LITAF: variants seen among roughly 807,000 people sequenced by gnomAD.
LITAF encodes the protein lipopolysaccharide-induced tumor necrosis factor-alpha factor.
In LITAF, 9 loss-of-function variants were observed where a neutral mutation model predicts 14.5. That is an observed-to-expected ratio of 0.62 (90% CI 0.37 to 1.08). The LOEUF is 1.08. LITAF is among the 50% of genes least tolerant of loss of function. The pLI, the probability that LITAF is intolerant of heterozygous loss-of-function variation, is 0.01. For missense variants in LITAF, 206 were observed against 213.4 expected, an observed-to-expected ratio of 0.97 and a Z score of 0.22; for synonymous variants, 98 against 88.2, an observed-to-expected ratio of 1.11 and a Z score of -0.62.
intron 2 of LITAF, among the ~76,000 whole-genome samples, chr16:11,554,966 G>C (rs972732890): frequency 1.3e-5 from 2 of 152,060 alleles, no homozygotes; most frequent in Non-Finnish European, 2.9e-5. Context: ...ACTGAACTTA[G>C]TAATACTCAT....
Position 11,627,256 on chromosome 16 carries a change from G to A in LITAF, c.85+6277C>T, listed in dbSNP as rs78580087. Among the ~76,000 whole-genome samples, 1,250 of 152,248 alleles carry A rather than the reference G, an allele frequency of 8.2e-3. 21 individuals are homozygous for A. Among genetic ancestry groups the A allele is most frequent in the African/African-American group, 0.026 (1,067 of 41,546 alleles). ...CTTGCTGGAGCTCCTTGAATAAGACGAATTCTTTACAAGGCTGGTGAGATG... is the reference window on the plus strand; with the variant it reads ...CTTGCTGGAGCTCCTTGAATAAGACAAATTCTTTACAAGGCTGGTGAGATG... On this transcript the variant is annotated intron_variant, in intron 3 of 3. Coordinates refer to the LITAF transcript ENST00000574848.
chr16:11,566,459 A>C (rs2064451751), intron 1 of LITAF, among the ~76,000 whole-genome samples: 1 of 152,186 alleles, frequency 6.6e-6, no homozygotes. Context: ...ATCCATCTGG[A>C]AAGGCATGAA....
At chr16:11,608,924 G>C (rs1026959660) in intron 3 of LITAF, among the ~76,000 whole-genome samples, 7 of 151,978 alleles carry the variant, frequency 4.6e-5, no homozygotes, top group Admixed American at 3.9e-4. Context: ...ACTCCAGCCT[G>C]GGTGACAGAG....
chr16:11,627,896 A>T (rs2065093633), intron 3 of LITAF, among the ~76,000 whole-genome samples: 1 of 151,326 alleles, frequency 6.6e-6, no homozygotes, highest in Non-Finnish European at 1.5e-5. Flanking sequence ...ACACATCTGT[A>T]GTCCCAGCTA....
At chr16:11,639,927 A>G (rs117454468), upstream of LITAF, among the ~76,000 whole-genome samples, 3,679 of 152,258 alleles carry the variant, frequency 0.024, 54 homozygotes, top group South Asian at 0.046. Context: ...GGCGAGAGCC[A>G]CCATGCCCGG....
At chr16:11,623,661 A>G (rs2065065071) in intron 3 of LITAF, among the ~76,000 whole-genome samples, 1 of 146,632 alleles carries the variant, frequency 6.8e-6, no homozygotes, top group Non-Finnish European at 1.5e-5. Flanking sequence ...CTTTGTCTCA[A>G]AAAAAAAAAA....
intron 1 of LITAF, among the ~76,000 whole-genome samples, chr16:11,597,345 G>A (rs2064896181): frequency 6.6e-6 from 1 of 152,154 alleles, no homozygotes; most frequent in South Asian, 2.1e-4. Flanking sequence ...CCCACTGGGG[G>A]TGTGGGGAGA....
At chr16:11,624,185 G>C (rs1401814141) in intron 3 of LITAF, among the ~76,000 whole-genome samples, 1 of 152,154 alleles carries the variant, frequency 6.6e-6, no homozygotes, top group Non-Finnish European at 1.5e-5. Context: ...TCTCCTCTGT[G>C]ATTGTATCAT....
chr16:11,568,935 C>T (rs2064499935), intron 1 of LITAF, among the ~76,000 whole-genome samples: 2 of 152,110 alleles, frequency 1.3e-5, no homozygotes, highest in African/African-American at 4.8e-5. Flanking sequence ...CCGCTTCAGC[C>T]TCCCAAAGTG....
chr16:11,581,151 A>C (rs960017010), intron 1 of LITAF, among the ~76,000 whole-genome samples: 5 of 152,254 alleles, frequency 3.3e-5, no homozygotes, highest in African/African-American at 9.6e-5. Context: ...TGGGACTCCC[A>C]CATTTATGCA....
chr16:11,596,422 C>T (rs952345788), intron 1 of LITAF, among the ~76,000 whole-genome samples: 1 of 124,176 alleles, frequency 8.1e-6, no homozygotes, highest in Non-Finnish European at 1.6e-5. Context: ...GTCACAGCAA[C>T]TGGCATCTGA....
At position 11,560,221 on chromosome 16, in the gene LITAF, C is replaced by T. The variant is rs140760629; in HGVS notation, c.-5-3486G>A. 5.5e-3 allele frequency among the ~76,000 whole-genome samples: 830 copies of T among 151,706 alleles called. 9 individuals are homozygous for T. Among genetic ancestry groups the T allele is most frequent in the African/African-American group, 0.018 (739 of 41,364 alleles). ...CTGAGGCAGGATAATCACTTGAACA[C>T]GGGAGGTGGAGGTTGCAGGGAGCTG... On this transcript the variant is annotated intron_variant, in intron 1 of 3. Transcript: ENST00000622633.
rs1405982261 is a variant in LITAF at position 11,548,363 on chromosome 16, C to T, written c.*1274G>A. The T allele has an allele frequency of 2.2e-6, 1 of 453,888 alleles. No individual in the cohort carries two copies. The allele number at this position is 453,888 out of a possible 1,614,324, so 28.1% of individuals were successfully genotyped here. ...TCTCATGTTTTACAACAAGCTGTGT[C>T]TCTGAAAACTAAAATCAGACTTTAG... is the stretch of plus-strand genomic sequence containing the variant. On this transcript the variant is annotated 3_prime_UTR_variant, in exon 4 of 4. Transcript: ENST00000622633.
chr16:11,552,916 C>T (rs527522945), intron 3 of LITAF, among the ~76,000 whole-genome samples: 61 of 152,010 alleles, frequency 4.0e-4, no homozygotes, highest in Non-Finnish European at 7.9e-4. Flanking sequence ...GAGTTCGAGA[C>T]CAGCCTGGCC....
chr16:11,634,561 G>T lies in LITAF; in HGVS notation c.-20-924C>A, dbSNP rs1234372763. Among the ~76,000 whole-genome samples the T allele has an allele frequency of 6.6e-6, 1 of 152,114 alleles. No homozygotes were observed. Reference sequence around the variant, plus strand: ...GAATCTAAGATCGGCCTTTTGAAACGTCTTCTCAGGTTTTTGCATTTCTGA... The same window carrying T: ...GAATCTAAGATCGGCCTTTTGAAACTTCTTCTCAGGTTTTTGCATTTCTGA... On this transcript the variant is annotated intron_variant, in intron 2 of 3. Coordinates refer to the LITAF transcript ENST00000574848. This position sits in a 1 kb window ranked among gnomAD's most constrained non-coding sequence, Gnocchi z 4.1.
At chr16:11,555,658 C>CA (rs5815645) in intron 2 of LITAF, among the ~76,000 whole-genome samples, 124 of 121,982 alleles carry the variant, frequency 1.0e-3, no homozygotes, top group African/African-American at 2.0e-3. Flanking sequence ...GACCCTGTCT[C>CA]AAAAAAAAAA....
intron 1 of LITAF, among the ~76,000 whole-genome samples, chr16:11,563,693 A>C (rs563700722): frequency 1.3e-4 from 20 of 152,256 alleles, no homozygotes; most frequent in Admixed American, 1.2e-3. Flanking sequence ...GTAAACAGGC[A>C]ATAGAACGTT....
intron 1 of LITAF, among the ~76,000 whole-genome samples, chr16:11,572,805 G>C (rs1006937751): frequency 6.6e-6 from 1 of 152,210 alleles, no homozygotes; most frequent in Admixed American, 6.5e-5. Context: ...CTGGAGTTTG[G>C]TAAACAGTAA....
chr16:11,549,777 T>TA lies in LITAF; in HGVS notation c.378-33dup. ...GGAGAGAGAGACACACGGAGCGCGT[T>TA]ACTGATCACAACAGGGTGAACACTG... is the stretch of plus-strand genomic sequence containing the variant. On this transcript the variant is annotated intron_variant, in intron 3 of 3. Transcript: ENST00000622633. This position sits in a 1 kb window ranked among gnomAD's most constrained non-coding sequence, Gnocchi z 4.6. The TA allele has an allele frequency of 6.5e-7, 1 of 1,544,696 alleles. No individual in the cohort carries two copies. Among genetic ancestry groups the TA allele is most frequent in the Admixed American group, 1.8e-5 (1 of 56,858 alleles).
Sources: allele counts gnomAD v4.1 joint callset (sites outside exome capture counted in the v4.1 genomes callset), GRCh38; gene constraint gnomAD v4.1.1; non-coding constraint Gnocchi (gnomAD v3.1); transcripts MANE v1.5; gene names NCBI Gene and HGNC (gene_info 2026-07-23, HGNC 2026-07-21).